Variants in PTPRN2 observed in about 807,000 individuals in gnomAD.
PTPRN2 encodes receptor-type tyrosine-protein phosphatase N2.
A neutral mutation model predicts 118.8 loss-of-function variants in PTPRN2; 74 were observed. The observed-to-expected ratio is 0.62, with a 90% CI of 0.52 to 0.76. The LOEUF (loss-of-function observed/expected upper bound fraction) is 0.76, where lower values mean the gene tolerates loss of function less well. Among genes scored for constraint, PTPRN2 ranks in the 30% least tolerant of loss-of-function variants. The pLI, the probability that PTPRN2 is intolerant of heterozygous loss-of-function variation, is 0.00. For synonymous variants in PTPRN2, 641 were observed against 608.0 expected (o/e 1.05, Z -0.80); for missense variants, 1,481 against 1,394.4 (o/e 1.06, Z -0.99).
intron 2 of PTPRN2, among the ~76,000 whole-genome samples, chr7:158,341,496 A>T (rs1806774587): frequency 7.0e-6 from 1 of 143,140 alleles, no homozygotes; most frequent in African/African-American, 2.7e-5. Flanking sequence ...ATAATTGGTG[A>T]CACGTGCAGA....
rs377621392 is a variant in PTPRN2, at chr7:157,629,979, T to C, written c.2197-8470A>G. On this transcript the variant is annotated intron_variant, in intron 14 of 22. Transcript: ENST00000389418. The surrounding 1 kb of genome is among the most constrained non-coding windows in gnomAD (Gnocchi z 4.4). ...CTGCCACTTGGGGAAATGATGACCT[T>C]TTCTTTCTTTAAAAATAAACACAGT... is the stretch of plus-strand genomic sequence containing the variant. Among the ~76,000 whole-genome samples the C allele has an allele frequency of 6.6e-6, 1 of 152,240 alleles. No homozygotes were observed. The highest frequency in any genetic ancestry group is 2.4e-5 in the African/African-American group (1 of 41,456).
rs576429975 is a variant in PTPRN2, at chr7:157,601,117, T to G, written c.2418+2885A>C. Among the ~76,000 whole-genome samples, 12 of 152,348 alleles carry G rather than the reference T, an allele frequency of 7.9e-5. No homozygotes were observed. In the South Asian group the frequency reaches 2.1e-3, roughly 26 times the overall value. On this transcript the variant is annotated intron_variant, in intron 16 of 22. Coordinates refer to ENST00000389418, the MANE Select transcript of PTPRN2 (RefSeq NM_002847.5). ...TTGGTGTCCTCAGTAATAATCAGGC[T>G]GTTTTAAATGTAGCTCATGGGTTTC...
At chr7:157,685,663 G>A (rs1381306775) in intron 12 of PTPRN2, among the ~76,000 whole-genome samples, 3 of 152,208 alleles carry the variant, frequency 2.0e-5, no homozygotes, top group Admixed American at 1.3e-4. Context: ...CCCTCGACAC[G>A]CTCCGCACGC....
intron 3 of PTPRN2, among the ~76,000 whole-genome samples, chr7:158,256,883 T>C (rs966337926): frequency 6.6e-6 from 1 of 152,146 alleles, no homozygotes; most frequent in Non-Finnish European, 1.5e-5. Flanking sequence ...AACCTAAACT[T>C]ATGCAAAAAG....
chr7:158,335,692 CCA>C (rs1805418089), intron 2 of PTPRN2, among the ~76,000 whole-genome samples: 2 of 15,702 alleles, frequency 1.3e-4, no homozygotes, highest in African/African-American at 4.0e-4. Context: ...TCACTCACAC[CCA>C]CACTCTCACC....
chr7:157,668,328 A>C (rs947651294), intron 13 of PTPRN2, among the ~76,000 whole-genome samples: 3 of 152,262 alleles, frequency 2.0e-5, no homozygotes, highest in African/African-American at 4.8e-5. Context: ...GAGACCTGTC[A>C]TTCTTGAATT....
intron 11 of PTPRN2, among the ~76,000 whole-genome samples, chr7:158,080,842 G>A (rs1563406032): frequency 6.6e-6 from 1 of 152,174 alleles, no homozygotes; most frequent in African/African-American, 2.4e-5. Flanking sequence ...ACTTTGTGGT[G>A]TCTCTGCCCA....
intron 11 of PTPRN2, among the ~76,000 whole-genome samples, chr7:158,002,143 C>A (rs145656435): frequency 6.6e-6 from 1 of 152,202 alleles, no homozygotes; most frequent in Non-Finnish European, 1.5e-5. Context: ...ACCAAATGCC[C>A]TTTTATGGGA....
At chr7:157,755,779 T>C (rs1281201551) in intron 12 of PTPRN2, among the ~76,000 whole-genome samples, 2 of 152,156 alleles carry the variant, frequency 1.3e-5, no homozygotes, top group Non-Finnish European at 2.9e-5. Context: ...ACCCCTTGGC[T>C]ACTATGCTCA....
intron 9 of PTPRN2, among the ~76,000 whole-genome samples, chr7:158,130,711 C>A (rs1818134428): frequency 6.6e-6 from 1 of 151,562 alleles, no homozygotes; most frequent in African/African-American, 2.4e-5. Flanking sequence ...AACACACACT[C>A]ATATACACAC....
intron 11 of PTPRN2, among the ~76,000 whole-genome samples, chr7:157,946,193 C>T (rs758100928): frequency 4.3e-4 from 66 of 152,278 alleles, no homozygotes; most frequent in Non-Finnish European, 7.3e-4. Flanking sequence ...CTTTTCTAGT[C>T]TTGTGAAACA....
intron 2 of PTPRN2, among the ~76,000 whole-genome samples, chr7:158,319,492 A>ACACAAAGC (rs1563131485): frequency 8.2e-4 from 25 of 30,390 alleles, no homozygotes; most frequent in Non-Finnish European, 1.6e-3. Context: ...CCTCCCTCAC[A>ACACAAAGC]CTCACACAGC....
chr7:157,872,532 A>G (rs909900360), intron 12 of PTPRN2, among the ~76,000 whole-genome samples: 2 of 151,800 alleles, frequency 1.3e-5, no homozygotes, highest in African/African-American at 4.9e-5. Context: ...CTCCGCACAC[A>G]TGGATACCCA....
intron 2 of PTPRN2, among the ~76,000 whole-genome samples, chr7:158,329,094 C>T (rs1013504141): frequency 1.3e-5 from 2 of 152,150 alleles, no homozygotes; most frequent in Non-Finnish European, 2.9e-5. Context: ...GCAAATCCAG[C>T]GGCGCACAGC....
chr7:158,428,975 C>G (rs1376113406), intron 2 of PTPRN2, among the ~76,000 whole-genome samples: 2 of 152,220 alleles, frequency 1.3e-5, no homozygotes, highest in Admixed American at 6.5e-5. Flanking sequence ...TTTACGAGTT[C>G]CAGCTGAGCC....
At chr7:158,253,464 G>A (rs1027746513) in intron 3 of PTPRN2, among the ~76,000 whole-genome samples, 4 of 152,208 alleles carry the variant, frequency 2.6e-5, no homozygotes. Flanking sequence ...CAGTCACCGG[G>A]TGATTGCCGC....
chr7:158,127,340 C>A (rs1037586426), intron 9 of PTPRN2, among the ~76,000 whole-genome samples: 1 of 152,174 alleles, frequency 6.6e-6, no homozygotes, highest in African/African-American at 2.4e-5. Flanking sequence ...GCCCTGCATC[C>A]TCTGCACGTG....
intron 10 of PTPRN2, among the ~76,000 whole-genome samples, chr7:158,109,794 C>T (rs12698150): frequency 6.6e-6 from 1 of 151,340 alleles, no homozygotes; most frequent in African/African-American, 2.4e-5. Flanking sequence ...GACGTTACCC[C>T]GGTGTGAGGG....
At chr7:157,661,491 GGC>G (rs72047289) in intron 13 of PTPRN2, among the ~76,000 whole-genome samples, 58,438 of 152,162 alleles carry the variant, frequency 0.38, 12,152 homozygotes, top group Non-Finnish European at 0.48. Flanking sequence ...GCTCTAGCCC[GGC>G]GCTGCTCCGC....
Sources: gnomAD v4.1 joint callset for allele counts (sites outside exome capture counted in the v4.1 genomes callset) on GRCh38, gnomAD v4.1.1 for gene constraint, Gnocchi (gnomAD v3.1) non-coding constraint, MANE v1.5 for transcripts, NCBI Gene and HGNC (gene_info 2026-07-23, HGNC 2026-07-21) for gene names.